The following NRXN1 variants were observed in gnomAD, a reference collection of about 807,000 sequenced individuals.
NRXN1 encodes the protein neurexin-1.
Under a neutral mutation model 150.9 loss-of-function variants are expected in NRXN1, and 39 were observed. The observed-to-expected ratio is 0.26, with a 90% CI of 0.20 to 0.34. The LOEUF (loss-of-function observed/expected upper bound fraction) is 0.34. NRXN1 is among the 10% of genes least tolerant of loss of function. The pLI, the probability that NRXN1 is intolerant of heterozygous loss-of-function variation, is 1.00. For missense variants in NRXN1, 1,815 were observed against 1,949.9 expected (o/e 0.93, Z 1.30); for synonymous variants, 924 against 757.0 (o/e 1.22, Z -3.62).
chr2:50,954,035 A>C (rs959887226), intron 2 of NRXN1, among the ~76,000 whole-genome samples: 4 of 152,186 alleles, frequency 2.6e-5, no homozygotes, highest in African/African-American at 9.7e-5. Context: ...ACCCTCCTAA[A>C]TAAATGCACA....
At chr2:50,197,390 C>A (rs6730360) in intron 18 of NRXN1, among the ~76,000 whole-genome samples, 2 of 152,026 alleles carry the variant, frequency 1.3e-5, no homozygotes, top group Non-Finnish European at 2.9e-5. Context: ...TTTCCTTTTC[C>A]TAAAATGAAG....
At chr2:50,539,903 C>A (rs571769159) in intron 9 of NRXN1, among the ~76,000 whole-genome samples, 6 of 152,180 alleles carry the variant, frequency 3.9e-5, no homozygotes, top group Admixed American at 2.6e-4. Context: ...TAGGGAGACA[C>A]ATTTTAGTTG....
At chr2:50,411,701 G>A (rs2083191091) in intron 17 of NRXN1, among the ~76,000 whole-genome samples, 1 of 145,910 alleles carries the variant, frequency 6.9e-6, no homozygotes, top group Admixed American at 6.8e-5. Flanking sequence ...AGGTGGGGGG[G>A]CAGCCCCCGC....
At chr2:50,654,828 C>A (rs559244534) in intron 5 of NRXN1, among the ~76,000 whole-genome samples, 15 of 152,030 alleles carry the variant, frequency 9.9e-5, no homozygotes, top group Admixed American at 9.8e-4. Flanking sequence ...TAAATGTCTT[C>A]TTTTGAGAAG....
At chr2:50,705,587 C>T (rs1051794559) in intron 5 of NRXN1, among the ~76,000 whole-genome samples, 4 of 152,136 alleles carry the variant, frequency 2.6e-5, no homozygotes, top group African/African-American at 9.7e-5. Context: ...AATCTCCTGA[C>T]CAATGCAGTT....
chr2:50,838,074 G>C lies in NRXN1; in HGVS notation c.832+83795C>G, dbSNP rs868753441. Among the ~76,000 whole-genome samples, 20 of 152,208 alleles carry C rather than the reference G, an allele frequency of 1.3e-4. No individual in the cohort carries two copies. The Middle Eastern group carries it at 0.01, about 78-fold the overall frequency. ...AAGGAGTAGCAGAGAACAAATGGCTGAATAAAGAGCTCCTCACATTTTATA... is the reference window on the plus strand; with the variant it reads ...AAGGAGTAGCAGAGAACAAATGGCTCAATAAAGAGCTCCTCACATTTTATA... On this transcript the variant is annotated intron_variant, in intron 5 of 22. Coordinates refer to ENST00000401669, the MANE Select transcript of NRXN1 (RefSeq NM_001330078.2).
chr2:50,202,633 T>C (rs1438953552), intron 18 of NRXN1, among the ~76,000 whole-genome samples: 1 of 152,174 alleles, frequency 6.6e-6, no homozygotes, highest in East Asian at 1.9e-4. Flanking sequence ...TGGTACTTTG[T>C]TATCCTGCCT....
At chr2:50,935,458 G>C (rs191089648) in intron 2 of NRXN1, among the ~76,000 whole-genome samples, 1 of 152,116 alleles carries the variant, frequency 6.6e-6, no homozygotes, top group Non-Finnish European at 1.5e-5. Flanking sequence ...TAGGCTGGGC[G>C]CAGTGGCTCA....
intron 5 of NRXN1, among the ~76,000 whole-genome samples, chr2:50,705,519 G>C (rs1178725654): frequency 1.3e-5 from 2 of 152,182 alleles, no homozygotes; most frequent in African/African-American, 2.4e-5. Flanking sequence ...TCACAAAGAA[G>C]TGATCTGGCA....
chr2:51,018,931 A>C (rs1452304318), intron 2 of NRXN1, among the ~76,000 whole-genome samples: 1 of 152,128 alleles, frequency 6.6e-6, no homozygotes, highest in Non-Finnish European at 1.5e-5. Flanking sequence ...TTAACAAAGG[A>C]AGCAAATAAA....
At chr2:50,593,057 T>C (rs17040881) in intron 8 of NRXN1, among the ~76,000 whole-genome samples, 2,599 of 152,352 alleles carry the variant, frequency 0.017, 85 homozygotes, top group African/African-American at 0.059. Context: ...TTCACCTTGA[T>C]GCTCTGCTCT....
chr2:50,298,478 G>C (rs989879682), intron 17 of NRXN1, among the ~76,000 whole-genome samples: 3 of 151,978 alleles, frequency 2.0e-5, no homozygotes, highest in East Asian at 3.9e-4. Flanking sequence ...ATTCAGGCAA[G>C]TATTTGAGGC....
At chr2:50,281,503 G>A (rs191273234) in intron 17 of NRXN1, among the ~76,000 whole-genome samples, 2 of 151,508 alleles carry the variant, frequency 1.3e-5, no homozygotes, top group Non-Finnish European at 2.9e-5. Flanking sequence ...TTTTTTTTGT[G>A]GGATTGTTGA....
intron 21 of NRXN1, among the ~76,000 whole-genome samples, chr2:50,002,921 G>T (rs971251255): frequency 6.6e-6 from 1 of 152,112 alleles, no homozygotes; most frequent in Non-Finnish European, 1.5e-5. Flanking sequence ...ATACATGACA[G>T]TAATGTTACA....
At chr2:50,423,427 T>C (rs2084157987) in intron 17 of NRXN1, among the ~76,000 whole-genome samples, 1 of 152,164 alleles carries the variant, frequency 6.6e-6, no homozygotes, top group African/African-American at 2.4e-5. Flanking sequence ...TCAATGCTGT[T>C]TGGCTTTGTG....
chr2:50,117,171 G>A (rs1052179801), intron 18 of NRXN1, among the ~76,000 whole-genome samples: 1 of 152,088 alleles, frequency 6.6e-6, no homozygotes, highest in Non-Finnish European at 1.5e-5. Context: ...GTAGACATAT[G>A]TTAAAACATT....
chr2:50,497,423 A>G lies in NRXN1; in HGVS notation c.2789T>C (p.Phe930Ser). ...TAGGGATGTTGTCTTGAACTGGAAA[A>G]AAAGATGCATAGAAGTGTAGGCTTG... is the stretch of plus-strand genomic sequence containing the variant. The part of the protein sequence containing the change: ...TLQAYTSMHL[F>S]FQFKTTSLDG... The change falls in exon 14 of 23, where the codon TTT (phenylalanine) becomes TCT (serine). Residue 930 changes from phenylalanine (F) to serine (S), a missense_variant. Around this residue, in one of 6 missense-constraint regions of NRXN1, gnomAD observed 339 missense variants for 440.3 expected, o/e 0.77. Coordinates refer to ENST00000401669, the MANE Select transcript of NRXN1 (RefSeq NM_001330078.2). 6.2e-7 allele frequency: 1 copy of G among 1,611,052 alleles called. No individual in the cohort carries two copies. The highest frequency in any genetic ancestry group is 8.5e-7 in the Non-Finnish European group (1 of 1,178,042).
intron 5 of NRXN1, among the ~76,000 whole-genome samples, chr2:50,655,618 T>C (rs887183685): frequency 5.9e-5 from 9 of 151,598 alleles, no homozygotes; most frequent in Non-Finnish European, 8.8e-5. Context: ...AAACTACTTA[T>C]GAATGAGGAA....
intron 18 of NRXN1, chr2:50,207,587 C>T (rs945266992): frequency 4.2e-5 from 7 of 165,302 alleles, no homozygotes; most frequent in South Asian, 2.1e-4. Context: ...CTTATGATTC[C>T]GTAGCTACTA....
Sources: allele counts gnomAD v4.1 joint callset (sites outside exome capture counted in the v4.1 genomes callset), GRCh38; gene constraint gnomAD v4.1.1; regional missense constraint gnomAD v4.1.1; transcripts MANE v1.5; gene names NCBI Gene and HGNC (gene_info 2026-07-23, HGNC 2026-07-21).